The following PDE1A variants were observed in gnomAD, a reference collection of about 807,000 sequenced individuals.
PDE1A encodes dual specificity calcium/calmodulin-dependent 3',5'-cyclic nucleotide phosphodiesterase 1A.
In PDE1A, 35 loss-of-function variants were observed where a neutral mutation model predicts 61.7. The ratio of observed to expected loss-of-function variants is 0.57; its 90% CI spans 0.43 to 0.75. PDE1A has a LOEUF of 0.75. Among genes scored for constraint, PDE1A ranks in the 30% least tolerant of loss-of-function variants. The probability of loss-of-function intolerance (pLI) is 0.00; values close to 1 mark genes in which losing one functional copy is unlikely to be tolerated. For synonymous variants in PDE1A, 232 were observed against 213.2 expected (o/e 1.09, Z -0.77); for missense variants, 597 against 630.6 (o/e 0.95, Z 0.57).
chr2:182,699,621 C>CAGTT, the PDE1A span, among the ~76,000 whole-genome samples: 5 of 152,144 alleles, frequency 3.3e-5, no homozygotes, highest in East Asian at 7.7e-4. Context: ...TTTTAGATGA[C>CAGTT]AGTTACAGGT....
chr2:182,493,455 C>T (rs961097081), intron 2 of PDE1A, among the ~76,000 whole-genome samples: 5 of 151,980 alleles, frequency 3.3e-5, no homozygotes, highest in African/African-American at 9.7e-5. Context: ...TGACAGGCCC[C>T]GGTGTGTGAT....
chr2:182,511,187 G>A (rs978108736), intron 2 of PDE1A, among the ~76,000 whole-genome samples: 1 of 151,890 alleles, frequency 6.6e-6, no homozygotes, highest in African/African-American at 2.4e-5. Flanking sequence ...CAATCAAGAG[G>A]GAAAGAGTCA....
At chr2:182,529,142 G>A in the PDE1A span, among the ~76,000 whole-genome samples, 4 of 152,192 alleles carry the variant, frequency 2.6e-5, no homozygotes, top group African/African-American at 7.2e-5. Context: ...ACGTGGATAG[G>A]TACCACAGAC....
At chr2:182,705,739 C>T in the PDE1A span, among the ~76,000 whole-genome samples, 1 of 152,152 alleles carries the variant, frequency 6.6e-6, no homozygotes, top group South Asian at 2.1e-4. Flanking sequence ...GTCTTGAACT[C>T]CTGACCTCAA....
intron 10 of PDE1A, among the ~76,000 whole-genome samples, chr2:182,194,743 C>T (rs1685995203): frequency 6.6e-6 from 1 of 151,878 alleles, no homozygotes; most frequent in Admixed American, 6.6e-5. Context: ...AGCTTGTCTT[C>T]CAGAAATATA....
chr2:182,488,914 G>A (rs1688197624), intron 2 of PDE1A, among the ~76,000 whole-genome samples: 1 of 152,168 alleles, frequency 6.6e-6, no homozygotes, highest in Non-Finnish European at 1.5e-5. Context: ...AAGAGAGCAT[G>A]TTCAAAAGCA....
the PDE1A span, among the ~76,000 whole-genome samples, chr2:182,623,757 G>A: frequency 6.6e-6 from 1 of 152,140 alleles, no homozygotes; most frequent in Non-Finnish European, 1.5e-5. Context: ...TTTGGATTAC[G>A]TTATTATTTA....
the PDE1A span, among the ~76,000 whole-genome samples, chr2:182,644,547 A>G: frequency 6.6e-6 from 1 of 152,194 alleles, no homozygotes; most frequent in African/African-American, 2.4e-5. Context: ...TTTAAGAAGT[A>G]CAATCCATGG....
chr2:182,286,381 C>T (rs557750445), intron 1 of PDE1A, among the ~76,000 whole-genome samples: 1 of 152,194 alleles, frequency 6.6e-6, no homozygotes, highest in Admixed American at 6.6e-5. Flanking sequence ...ATCTGTTCAT[C>T]ACCTTTCCTT....
intron 13 of PDE1A, among the ~76,000 whole-genome samples, chr2:182,177,907 C>T (rs1375907383): frequency 6.6e-6 from 1 of 152,082 alleles, no homozygotes; most frequent in Admixed American, 6.6e-5. Flanking sequence ...AGCTTCTAAT[C>T]TTTCTTTTTC....
At chr2:182,687,277 A>AC in the PDE1A span, among the ~76,000 whole-genome samples, 6 of 152,094 alleles carry the variant, frequency 3.9e-5, no homozygotes, top group African/African-American at 1.4e-4. Context: ...TCTGGGAGGC[A>AC]CCCCCCAGTA....
At chr2:182,642,995 G>C in the PDE1A span, among the ~76,000 whole-genome samples, 2 of 152,166 alleles carry the variant, frequency 1.3e-5, no homozygotes. Flanking sequence ...TGGAAAATCA[G>C]AGGTTACAAG....
At chr2:182,580,095 T>A in the PDE1A span, among the ~76,000 whole-genome samples, 1 of 152,228 alleles carries the variant, frequency 6.6e-6, no homozygotes, top group Non-Finnish European at 1.5e-5. Flanking sequence ...CATTTGAATT[T>A]CCTAAATTTG....
the PDE1A span, among the ~76,000 whole-genome samples, chr2:182,671,328 C>T: frequency 6.1e-5 from 9 of 146,518 alleles, no homozygotes; most frequent in African/African-American, 1.8e-4. Context: ...CCTGCCACCA[C>T]GACTGGCTAA....
downstream of PDE1A, among the ~76,000 whole-genome samples, chr2:182,167,453 A>G (rs1056360924): frequency 2.6e-5 from 4 of 152,106 alleles, no homozygotes; most frequent in African/African-American, 9.7e-5. Flanking sequence ...CCACCGCAAA[A>G]TGAACATGGG....
the PDE1A span, among the ~76,000 whole-genome samples, chr2:182,597,498 G>A: frequency 1.3e-5 from 2 of 152,132 alleles, no homozygotes; most frequent in Non-Finnish European, 2.9e-5. Context: ...GCCAGGACAG[G>A]GCATGAGAGC....
the PDE1A span, among the ~76,000 whole-genome samples, chr2:182,652,299 T>C: frequency 1.3e-5 from 2 of 152,306 alleles, no homozygotes; most frequent in Middle Eastern, 3.4e-3. Context: ...CTAATTTCAC[T>C]GCTGAAATTC....
intron 1 of PDE1A, among the ~76,000 whole-genome samples, chr2:182,293,871 T>C (rs866813799): frequency 3.3e-5 from 5 of 152,224 alleles, no homozygotes; most frequent in African/African-American, 9.6e-5. Context: ...GACATAGGCA[T>C]TGTGAGGTAG....
At chr2:182,508,273 T>G (rs1176530983) in intron 2 of PDE1A, among the ~76,000 whole-genome samples, 2 of 152,000 alleles carry the variant, frequency 1.3e-5, no homozygotes. Flanking sequence ...AATCGATAGC[T>G]AACATTATAA....
Sources: allele counts gnomAD v4.1 joint callset (sites outside exome capture counted in the v4.1 genomes callset), GRCh38; gene constraint gnomAD v4.1.1; transcripts MANE v1.5; gene names NCBI Gene and HGNC (gene_info 2026-07-23, HGNC 2026-07-21).